Variants in ZNF438 observed in about 807,000 individuals in gnomAD.
ZNF438 encodes zinc finger protein 438.
A neutral mutation model predicts 38.0 loss-of-function variants in ZNF438; 25 were observed. The observed-to-expected ratio is 0.66, with a 90% CI of 0.48 to 0.92. The LOEUF is 0.92. ZNF438 is among the 40% of genes least tolerant of loss of function. The pLI, the probability that ZNF438 is intolerant of heterozygous loss-of-function variation, is 0.00. For missense variants in ZNF438, 1,007 were observed against 999.6 expected (o/e 1.01, Z -0.10); for synonymous variants, 372 against 364.1 (o/e 1.02, Z -0.25).
intron 3 of ZNF438, among the ~76,000 whole-genome samples, chr10:30,897,576 G>T (rs901161547): frequency 6.6e-6 from 1 of 152,188 alleles, no homozygotes; most frequent in African/African-American, 2.4e-5. Flanking sequence ...CCAGGCTCTG[G>T]CATTAACAAA....
chr10:30,876,920 T>G lies in ZNF438; in HGVS notation c.37+78A>C. ...TCTAGGAAATAAGTTACCTTATGAT[T>G]AGAGGTCAATGACATTCAATGTATC... On this transcript the variant is annotated intron_variant, in intron 4 of 5. Coordinates refer to ENST00000413025, the Ensembl canonical transcript of ZNF438. 6.5e-6 allele frequency: 7 copies of G among 1,075,090 alleles called. No homozygotes were observed. The South Asian group carries it at 1.3e-4, about 21-fold the overall frequency. 66.6% of individuals were successfully genotyped at this position (1,075,090 alleles called of 1,614,324 possible).
At chr10:31,017,960 A>C (rs969407388) in intron 1 of ZNF438, among the ~76,000 whole-genome samples, 6 of 152,260 alleles carry the variant, frequency 3.9e-5, no homozygotes, top group Non-Finnish European at 1.5e-5. Context: ...GAACACAGCC[A>C]CAGCTAACAT....
intron 3 of ZNF438, among the ~76,000 whole-genome samples, chr10:30,906,604 TTAAATAGAA>T (rs1223363284): frequency 6.6e-6 from 1 of 152,222 alleles, no homozygotes; most frequent in African/African-American, 2.4e-5. Context: ...CAGTACAAAG[TTAAATAGAA>T]ACAGTAAGAT....
rs563189482 is a variant in ZNF438, at chr10:31,010,892, G to GA, written c.-192+20940dup. Among the ~76,000 whole-genome samples, 697 of 92,506 alleles carry GA rather than the reference G, an allele frequency of 7.5e-3. 34 individuals carry two copies. The highest frequency in any genetic ancestry group is 0.018 in the East Asian group (41 of 2,244). 60.7% of individuals were successfully genotyped at this position (92,506 alleles called of 152,430 possible). On this transcript the variant is annotated intron_variant, in intron 1 of 5. Coordinates refer to ENST00000413025, the Ensembl canonical transcript of ZNF438. Reference sequence around the variant, plus strand: ...TGGATAACGAAGTGAGACCCTGTTTGAAAAAAAAAAAAAAAAAAAAAAAAA... The same window carrying GA: ...TGGATAACGAAGTGAGACCCTGTTTGAAAAAAAAAAAAAAAAAAAAAAAAAA...
At chr10:31,013,370 C>T (rs542073970) in intron 1 of ZNF438, among the ~76,000 whole-genome samples, 4 of 152,212 alleles carry the variant, frequency 2.6e-5, no homozygotes, top group African/African-American at 9.6e-5. Flanking sequence ...AAATACATGG[C>T]CTCCCACCTC....
chr10:30,865,301 C>T (rs1204423073), intron 4 of ZNF438, among the ~76,000 whole-genome samples: 1 of 152,222 alleles, frequency 6.6e-6, no homozygotes. Flanking sequence ...CAATACCCTA[C>T]AGCACTGTAT....
intron 3 of ZNF438, among the ~76,000 whole-genome samples, chr10:30,886,733 C>G (rs2039996404): frequency 6.6e-6 from 1 of 152,118 alleles, no homozygotes; most frequent in African/African-American, 2.4e-5. Flanking sequence ...GGCTTTCGCA[C>G]CATTGTAAAG....
chr10:30,915,455 A>G (rs138813140), intron 2 of ZNF438, among the ~76,000 whole-genome samples: 2 of 152,180 alleles, frequency 1.3e-5, no homozygotes, highest in Non-Finnish European at 2.9e-5. Context: ...TAGCACTATG[A>G]ATTTATTATT....
intron 1 of ZNF438, among the ~76,000 whole-genome samples, chr10:31,008,341 A>T (rs543699768): frequency 6.6e-6 from 1 of 152,266 alleles, no homozygotes; most frequent in South Asian, 2.1e-4. Context: ...ATACAATTCC[A>T]TGGTTTTAGT....
At chr10:30,926,186 T>C (rs2044892505) in intron 2 of ZNF438, among the ~76,000 whole-genome samples, 1 of 152,200 alleles carries the variant, frequency 6.6e-6, no homozygotes, top group Admixed American at 6.5e-5. Flanking sequence ...ATGTCTGATA[T>C]CATATTTTGG....
At chr10:31,016,182 T>A (rs187958215) in intron 1 of ZNF438, among the ~76,000 whole-genome samples, 1 of 152,200 alleles carries the variant, frequency 6.6e-6, no homozygotes, top group East Asian at 1.9e-4. Context: ...ATATAAAATT[T>A]TAATATAAAT....
intron 2 of ZNF438, among the ~76,000 whole-genome samples, chr10:30,914,698 T>A (rs1213857270): frequency 6.6e-6 from 1 of 152,048 alleles, no homozygotes; most frequent in Admixed American, 6.6e-5. Context: ...ACTACAGAAT[T>A]CCAATTTTTT....
exon 5 of ZNF438, chr10:30,848,772 C>T: frequency 1.2e-6 from 2 of 1,614,240 alleles, no homozygotes; most frequent in Non-Finnish European, 1.7e-6. Context: ...CCAGGACGTA[C>T]ATAGGACTTG....
At chr10:31,020,245 G>A (rs1295140435) in intron 1 of ZNF438, among the ~76,000 whole-genome samples, 2 of 152,164 alleles carry the variant, frequency 1.3e-5, no homozygotes, top group East Asian at 1.9e-4. Context: ...GGGTGAGATT[G>A]TAGTTTAGAG....
At chr10:30,932,568 A>G (rs1443068972) in intron 2 of ZNF438, among the ~76,000 whole-genome samples, 1 of 152,196 alleles carries the variant, frequency 6.6e-6, no homozygotes, top group East Asian at 1.9e-4. Flanking sequence ...CTTACCCAAG[A>G]TCACATAGCA....
At chr10:30,953,807 A>T (rs1001996690) in intron 1 of ZNF438, among the ~76,000 whole-genome samples, 1 of 152,196 alleles carries the variant, frequency 6.6e-6, no homozygotes, top group African/African-American at 2.4e-5. Flanking sequence ...AACTCTTCTT[A>T]TGCAGTGGGA....
intron 3 of ZNF438, among the ~76,000 whole-genome samples, chr10:30,894,221 A>C (rs1325427448): frequency 1.3e-5 from 2 of 152,258 alleles, no homozygotes; most frequent in Admixed American, 6.5e-5. Flanking sequence ...ATTTAAACCC[A>C]AAAGAAAATA....
intron 1 of ZNF438, among the ~76,000 whole-genome samples, chr10:30,987,522 A>T (rs2052971428): frequency 6.6e-6 from 1 of 152,164 alleles, no homozygotes; most frequent in Non-Finnish European, 1.5e-5. Context: ...CTATGGACTA[A>T]ACGTTTGTGT....
chr10:30,844,716 G>A, exon 6 of ZNF438: 1 of 416,670 alleles, frequency 2.4e-6, no homozygotes, highest in South Asian at 4.6e-5. Context: ...TATTTATTCT[G>A]AAAGTCTAAG....
Sources: gnomAD v4.1 joint callset for allele counts (sites outside exome capture counted in the v4.1 genomes callset) on GRCh38, gnomAD v4.1.1 for gene constraint, MANE v1.5 for transcripts, NCBI Gene and HGNC (gene_info 2026-07-23, HGNC 2026-07-21) for gene names.